The following DPP6 variants were observed in gnomAD, a reference collection of about 807,000 sequenced individuals.
The protein encoded by DPP6 is dipeptidyl peptidase like 6.
A neutral mutation model predicts 122.6 loss-of-function variants in DPP6; 69 were observed. The observed-to-expected ratio is 0.56, with a 90% CI of 0.46 to 0.69. DPP6 has a LOEUF of 0.69. Among genes scored for constraint, DPP6 ranks in the 30% least tolerant of loss-of-function variants. The pLI, the probability that DPP6 is intolerant of heterozygous loss-of-function variation, is 0.00. For synonymous variants in DPP6, 418 were observed against 433.1 expected (o/e 0.97, Z 0.43); for missense variants, 928 against 1,116.9 (o/e 0.83, Z 2.41).
intron 8 of DPP6, among the ~76,000 whole-genome samples, chr7:154,751,445 CAA>C (rs36080228): frequency 3.5e-4 from 48 of 136,876 alleles, no homozygotes; most frequent in South Asian, 4.8e-4. Context: ...CCTAAAAATA[CAA>C]AAAAAAAAAA....
At chr7:154,372,739 G>A (rs1349684007) in intron 1 of DPP6, among the ~76,000 whole-genome samples, 2 of 152,214 alleles carry the variant, frequency 1.3e-5, no homozygotes, top group Non-Finnish European at 2.9e-5. Context: ...CAACGGGACT[G>A]AACAGTTGAT....
At chr7:153,942,845 C>T (rs1278322411) in intron 1 of DPP6, among the ~76,000 whole-genome samples, 1 of 152,178 alleles carries the variant, frequency 6.6e-6, no homozygotes, top group African/African-American at 2.4e-5. Flanking sequence ...TTACCTGTCG[C>T]CTGCTTATTT....
the DPP6 span, among the ~76,000 whole-genome samples, chr7:153,833,032 G>A: frequency 0.013 from 2,000 of 152,252 alleles, 41 homozygotes; most frequent in African/African-American, 0.043. Context: ...TTCCTTTGCC[G>A]TGTATGGAAA....
At chr7:154,881,129 C>A in intron 21 of DPP6, 187 bp downstream of exon 21, 1 of 1,001,916 alleles carries the variant, frequency 1.0e-6, no homozygotes. Context: ...AGCTCATTTT[C>A]CTAAGTTTCT....
At chr7:154,515,279 C>G (rs1321998616) in intron 3 of DPP6, among the ~76,000 whole-genome samples, 2 of 152,178 alleles carry the variant, frequency 1.3e-5, no homozygotes, top group East Asian at 1.9e-4. Context: ...CCACCATTCT[C>G]TGGAATACCA....
At chr7:154,127,390 A>G (rs1000918528) in intron 1 of DPP6, among the ~76,000 whole-genome samples, 9 of 152,138 alleles carry the variant, frequency 5.9e-5, no homozygotes, top group Non-Finnish European at 1.3e-4. Context: ...ATCTGTGGTG[A>G]GGAAATGTAG....
chr7:154,529,369 A>G (rs189426629), intron 3 of DPP6, among the ~76,000 whole-genome samples: 173 of 152,378 alleles, frequency 1.1e-3, no homozygotes, highest in Admixed American at 1.7e-3. Flanking sequence ...CTGCTACCCA[A>G]GAAACAAACT....
intron 4 of DPP6, among the ~76,000 whole-genome samples, chr7:154,548,092 C>T (rs2130344447): frequency 6.6e-6 from 1 of 152,064 alleles, no homozygotes; most frequent in East Asian, 1.9e-4. Context: ...GCCTGTAATC[C>T]CAGCTACTCA....
intron 7 of DPP6, among the ~76,000 whole-genome samples, chr7:154,712,510 G>A (rs1197693526): frequency 6.6e-6 from 1 of 152,094 alleles, no homozygotes; most frequent in Admixed American, 6.5e-5. Context: ...CCCAAGACTG[G>A]GTAATTTATA....
chr7:154,277,159 CT>C (rs1165095102), intron 1 of DPP6, among the ~76,000 whole-genome samples: 1 of 152,104 alleles, frequency 6.6e-6, no homozygotes, highest in Non-Finnish European at 1.5e-5. Flanking sequence ...AGGCAACTCA[CT>C]TTTTTTTCCA....
At chr7:153,961,351 AT>A (rs67414261) in intron 1 of DPP6, among the ~76,000 whole-genome samples, 117,348 of 149,512 alleles carry the variant, frequency 0.78, 46,965 homozygotes, top group East Asian at 1. Flanking sequence ...TTTTTATTTT[AT>A]TTTTTTTTAC....
At chr7:153,908,411 G>A (rs1799940886) in intron 1 of DPP6, among the ~76,000 whole-genome samples, 1 of 152,150 alleles carries the variant, frequency 6.6e-6, no homozygotes. Flanking sequence ...GACAGATTCA[G>A]TGTCTGGTTA....
At chr7:154,549,691 C>T (rs964016792) in intron 4 of DPP6, among the ~76,000 whole-genome samples, 3 of 152,086 alleles carry the variant, frequency 2.0e-5, no homozygotes, top group African/African-American at 4.8e-5. Context: ...CTTGGCTCTG[C>T]GAAGGCTCAT....
At chr7:153,784,283 T>C in the DPP6 span, among the ~76,000 whole-genome samples, 4 of 152,320 alleles carry the variant, frequency 2.6e-5, no homozygotes, top group African/African-American at 9.6e-5. Flanking sequence ...AACAGAAATA[T>C]GTATTTGCTG....
At chr7:154,588,700 A>T (rs1280392009) in intron 5 of DPP6, 1 of 152,198 alleles carries the variant, frequency 6.6e-6, no homozygotes, top group Non-Finnish European at 1.5e-5. Flanking sequence ...TTAAGTCAAA[A>T]TTTCATTGTA....
In DPP6 at chr7:154,604,254, C is replaced by T. The variant is rs187280801; in HGVS notation, c.628-33567C>T. On this transcript the variant is annotated intron_variant, in intron 5 of 25. Coordinates refer to ENST00000377770, the MANE Select transcript of DPP6 (RefSeq NM_130797.4). The stretch of plus-strand genomic sequence containing the variant: ...TAATCTTGGCCATGTATGCACGATC[C>T]TTTTCTCGTCTTTCTCTTCTGTTCT... Among the ~76,000 whole-genome samples, 3 of 119,706 alleles carry T rather than the reference C, an allele frequency of 2.5e-5. 1 individual carries two copies. Among genetic ancestry groups the T allele is most frequent in the Non-Finnish European group, 5.6e-5 (3 of 53,182 alleles). The allele number at this position is 119,706 out of a possible 152,430, so 78.5% of individuals were successfully genotyped here. A position where few individuals can be genotyped will look rare whatever the true frequency, so the allele number is the denominator to read the frequency against.
At chr7:154,868,280 A>G (rs1202819454) in intron 18 of DPP6, among the ~76,000 whole-genome samples, 187 bp downstream of exon 18, 1 of 152,180 alleles carries the variant, frequency 6.6e-6, no homozygotes, top group Non-Finnish European at 1.5e-5. Context: ...CTCTGGTGAC[A>G]AAACCAAAAA....
intron 1 of DPP6, among the ~76,000 whole-genome samples, chr7:154,347,775 G>A (rs913721606): frequency 2.0e-5 from 3 of 152,208 alleles, no homozygotes. Context: ...GGTAACACAA[G>A]AATGGGATGC....
intron 2 of DPP6, among the ~76,000 whole-genome samples, chr7:154,463,874 A>C (rs1821555290): frequency 6.6e-6 from 1 of 152,122 alleles, no homozygotes; most frequent in Non-Finnish European, 1.5e-5. Flanking sequence ...CTCCTCAAGC[A>C]GAGGGAAAGA....
Sources: allele counts gnomAD v4.1 joint callset (sites outside exome capture counted in the v4.1 genomes callset), GRCh38; gene constraint gnomAD v4.1.1; transcripts MANE v1.5; gene names NCBI Gene and HGNC (gene_info 2026-07-23, HGNC 2026-07-21).